TIMM23B: variants seen among roughly 807,000 people sequenced by gnomAD.
TIMM23B encodes the protein translocase of inner mitochondrial membrane 23 homolog B.
In TIMM23B, 27 loss-of-function variants were observed where a neutral mutation model predicts 27.3. The ratio of observed to expected loss-of-function variants is 0.99; its 90% CI spans 0.73 to 1.36. The LOEUF is 1.36. Ranked by LOEUF, TIMM23B falls within the 40% of genes most tolerant of loss-of-function variation. The pLI is 0.00. For missense variants in TIMM23B, 205 were observed against 244.2 expected (o/e 0.84, Z 1.07); for synonymous variants, 73 against 92.4 (o/e 0.79, Z 1.21).
chr10:49,955,060 GGTAA>G lies in TIMM23B; in HGVS notation c.403+4_403+7del, dbSNP rs1839668837. 1 of 1,611,920 alleles carries G rather than the reference GGTAA, an allele frequency of 6.2e-7. No individual in the cohort carries two copies. The highest frequency in any genetic ancestry group is 1.7e-5 in the Admixed American group (1 of 59,918). On this transcript the variant is annotated splice_donor_variant and splice_donor_region_variant and intron_variant, in intron 5 of 6. Transcript: ENST00000651259. LOFTEE classifies it high-confidence loss of function. ...TTGGGCTAATACTCTAGGTTCTCTG[GGTAA>G]GTAGAGATCTCGTTTGATAATAAAT... is the stretch of plus-strand genomic sequence containing the variant.
chr10:49,957,312 AGTG>A (rs1839757633), intron 5 of TIMM23B, among the ~76,000 whole-genome samples: 1 of 146,338 alleles, frequency 6.8e-6, no homozygotes, highest in African/African-American at 2.6e-5. Context: ...GCTAGAGTGC[AGTG>A]GAGCTCACTG....
intron 2 of TIMM23B, among the ~76,000 whole-genome samples, chr10:49,947,960 A>G: frequency 6.6e-6 from 1 of 152,326 alleles, no homozygotes; most frequent in Non-Finnish European, 1.5e-5. Context: ...GACAATCCAC[A>G]GACTGAGAGA....
At chr10:49,964,464 GATGAAATGAAATA>G (rs1405288247) in intron 6 of TIMM23B, among the ~76,000 whole-genome samples, 4 of 144,008 alleles carry the variant, frequency 2.8e-5, no homozygotes, top group Admixed American at 7.0e-5. Flanking sequence ...CAAATGAAAT[GATGAAATGAAATA>G]ATGAAATGAA....
intron 6 of TIMM23B, chr10:49,970,119 A>G (rs1437041078): frequency 1.3e-5 from 2 of 156,926 alleles, no homozygotes; most frequent in Non-Finnish European, 2.8e-5. Context: ...GCTGGAGTGC[A>G]GTGGCGTGAT....
chr10:49,949,330 C>A, intron 2 of TIMM23B, among the ~76,000 whole-genome samples: 1 of 150,252 alleles, frequency 6.7e-6, no homozygotes, highest in South Asian at 2.1e-4. Flanking sequence ...GTTGATGGTT[C>A]GGACCTTGCC....
At chr10:49,971,080 G>A (rs1286342084) in intron 6 of TIMM23B, among the ~76,000 whole-genome samples, 1 of 152,152 alleles carries the variant, frequency 6.6e-6, no homozygotes, top group Non-Finnish European at 1.5e-5. Flanking sequence ...GGGTTAAATG[G>A]ATTAAGAGCG....
At chr10:49,961,430 T>C (rs1392703383) in intron 6 of TIMM23B, among the ~76,000 whole-genome samples, 7 of 151,612 alleles carry the variant, frequency 4.6e-5, no homozygotes, top group Non-Finnish European at 1.0e-4. Flanking sequence ...ATGGGATCAC[T>C]AGAAGACGGT....
chr10:49,956,573 T>C, intron 5 of TIMM23B, among the ~76,000 whole-genome samples: 1 of 146,600 alleles, frequency 6.8e-6, no homozygotes, highest in Non-Finnish European at 1.5e-5. Flanking sequence ...TAGAAATAGC[T>C]ATTGATGTTT....
chr10:49,961,406 G>GA (rs1214132853), intron 6 of TIMM23B, among the ~76,000 whole-genome samples: 1 of 149,116 alleles, frequency 6.7e-6, no homozygotes, highest in Non-Finnish European at 1.5e-5. Flanking sequence ...AAAAAGAAAA[G>GA]AAAAAAAATA....
Position 49,952,580 on chromosome 10 carries a change from C to T in TIMM23B, c.344+47C>T, listed in dbSNP as rs1330369809. ...GATGTAGTGATACTTGAATATTAAG[C>T]TCTGTTGTATTGGTTTGATGAGTAC... On this transcript the variant is annotated intron_variant, in intron 4 of 6. Coordinates refer to ENST00000651259, the MANE Select transcript of TIMM23B (RefSeq NM_001290117.2). 10 of 1,605,676 alleles carry T rather than the reference C, an allele frequency of 6.2e-6. No individual in the cohort carries two copies. The African/African-American group carries it at 1.2e-4, about 19-fold the overall frequency.
chr10:49,971,125 G>A (rs1840425384), intron 6 of TIMM23B, among the ~76,000 whole-genome samples: 1 of 152,102 alleles, frequency 6.6e-6, no homozygotes, highest in Non-Finnish European at 1.5e-5. Context: ...GATGCTTGAA[G>A]GCAGCATGCT....
chr10:49,970,629 C>T (rs1840393960), intron 6 of TIMM23B, among the ~76,000 whole-genome samples: 1 of 151,432 alleles, frequency 6.6e-6, no homozygotes, highest in African/African-American at 2.4e-5. Flanking sequence ...GGGGGGCAGC[C>T]CCCGCCCGGC....
intron 5 of TIMM23B, among the ~76,000 whole-genome samples, chr10:49,955,323 C>A (rs1393884327): frequency 1.3e-5 from 2 of 152,186 alleles, no homozygotes. Flanking sequence ...AAGCACAACA[C>A]CCAATAAAAT....
chr10:49,967,573 A>C (rs576195869), intron 6 of TIMM23B, among the ~76,000 whole-genome samples: 7 of 150,730 alleles, frequency 4.6e-5, no homozygotes, highest in African/African-American at 1.7e-4. Flanking sequence ...TACAATTGCA[A>C]TGGAAATTGA....
At position 49,946,769 on chromosome 10, in the gene TIMM23B, T is replaced by A. The variant is rs1354659162; in HGVS notation, c.165+1679T>A. On this transcript the variant is annotated intron_variant, in intron 2 of 6. Coordinates refer to ENST00000651259, the MANE Select transcript of TIMM23B (RefSeq NM_001290117.2). ...ACCAACAGATTTAGTGCAGTGCCTG[T>A]CAAAATCCCAGCTGGCTTTTTTGCA... 1.8e-4 allele frequency among the ~76,000 whole-genome samples: 27 copies of A among 149,972 alleles called. No individual in the cohort carries two copies. The South Asian group carries it at 5.8e-3, about 32-fold the overall frequency.
intron 6 of TIMM23B, chr10:49,972,669 A>G (rs534451645): frequency 7.0e-6 from 2 of 284,214 alleles, no homozygotes; most frequent in African/African-American, 4.4e-5. Context: ...CACAAATCCA[A>G]GGAAGTATAT....
chr10:49,956,471 A>G (rs878893761), intron 5 of TIMM23B, among the ~76,000 whole-genome samples: 3,254 of 59,434 alleles, frequency 0.055, 256 homozygotes, highest in Non-Finnish European at 0.082. Context: ...GTGTGTGTGT[A>G]TGTGTGTCTT....
chr10:49,952,790 C>G (rs1447226976), intron 4 of TIMM23B, among the ~76,000 whole-genome samples: 1 of 148,210 alleles, frequency 6.7e-6, no homozygotes, highest in African/African-American at 2.5e-5. Flanking sequence ...TCAGCTGCAC[C>G]TGTTACATTC....
At chr10:49,950,397 T>G (rs1839488481) in intron 2 of TIMM23B, among the ~76,000 whole-genome samples, 1 of 151,868 alleles carries the variant, frequency 6.6e-6, no homozygotes, top group Non-Finnish European at 1.5e-5. Context: ...AACAGCCTTG[T>G]TTGTGTGTGA....
Sources: allele counts gnomAD v4.1 joint callset (sites outside exome capture counted in the v4.1 genomes callset), GRCh38; gene constraint gnomAD v4.1.1; transcripts MANE v1.5; gene names NCBI Gene and HGNC (gene_info 2026-07-23, HGNC 2026-07-21).